The following ACBD3 variants were observed in gnomAD, a reference collection of about 807,000 sequenced individuals.
ACBD3 encodes Golgi resident protein GCP60.
In ACBD3, 30 loss-of-function variants were observed where a neutral mutation model predicts 66.9. The ratio of observed to expected loss-of-function variants is 0.45; its 90% CI spans 0.34 to 0.61. The LOEUF (loss-of-function observed/expected upper bound fraction) is 0.61, where lower values mean the gene tolerates loss of function less well. Among genes scored for constraint, ACBD3 ranks in the 20% least tolerant of loss-of-function variants. The probability of loss-of-function intolerance (pLI) is 0.02; values close to 1 mark genes in which losing one functional copy is unlikely to be tolerated. For missense variants in ACBD3, 544 were observed against 664.5 expected (o/e 0.82, Z 1.99); for synonymous variants, 278 against 259.8 (o/e 1.07, Z -0.68).
rs189233972 is a variant in ACBD3, at chr1:226,145,283, T to A, written c.*1327A>T. On this transcript the variant is annotated 3_prime_UTR_variant, in exon 8 of 8. Coordinates refer to ENST00000366812, the MANE Select transcript of ACBD3 (RefSeq NM_022735.4). Reference sequence around the variant, plus strand: ...CAAACAACCCATATGTAGTGAACTGTATATACTGCAGTTAATGAAAACCCT... The same window carrying A: ...CAAACAACCCATATGTAGTGAACTGAATATACTGCAGTTAATGAAAACCCT... The A allele has an allele frequency of 2.0e-5, 3 of 152,620 alleles. No individual in the cohort carries two copies. The highest frequency in any genetic ancestry group is 4.4e-5 in the Non-Finnish European group (3 of 68,032). 9.5% of individuals were successfully genotyped at this position (152,620 alleles called of 1,614,324 possible).
intron 1 of ACBD3, among the ~76,000 whole-genome samples, chr1:226,184,818 T>C (rs964824932): frequency 7.3e-5 from 11 of 151,414 alleles, no homozygotes; most frequent in East Asian, 1.9e-4. Context: ...TTTTTTTTTT[T>C]AGACGGAGTT....
intron 5 of ACBD3, among the ~76,000 whole-genome samples, chr1:226,158,638 C>A (rs1002853377): frequency 3.3e-5 from 5 of 152,224 alleles, no homozygotes; most frequent in African/African-American, 1.2e-4. Context: ...TGTTCTTTCA[C>A]CTAAACCAAC....
In ACBD3 at chr1:226,146,729, C is replaced by T. The variant is rs986987064; in HGVS notation, c.1468G>A (p.Glu490Lys). ...VPVYRRDCHE[E>K]VYAGSHQYPG... is the part of the protein sequence containing the mutation. ...TATTGATGGCTGCCAGCATACACCT[C>T]CTCATGACAGTCCCGTCGGTACACA... is the stretch of plus-strand genomic sequence containing the variant. Residue 490 changes from glutamate to lysine, a missense_variant, in exon 8 of 8, where the codon GAG (glutamate) becomes AAG (lysine). By Grantham distance (56) the Glu-to-Lys change is moderately conservative (BLOSUM62 1). Transcript: ENST00000366812. 1 of 1,613,956 alleles carries T rather than the reference C, an allele frequency of 6.2e-7. No homozygotes were observed. Among genetic ancestry groups the T allele is most frequent in the Non-Finnish European group, 8.5e-7 (1 of 1,180,028 alleles).
intron 1 of ACBD3, among the ~76,000 whole-genome samples, chr1:226,182,954 A>T (rs1277883642): frequency 2.0e-5 from 3 of 152,198 alleles, no homozygotes; most frequent in African/African-American, 7.2e-5. Context: ...GCTAACTTAC[A>T]TTTACCCACA....
intron 1 of ACBD3, among the ~76,000 whole-genome samples, chr1:226,174,742 G>C (rs1174250335): frequency 1.3e-5 from 2 of 151,552 alleles, no homozygotes; most frequent in Non-Finnish European, 2.9e-5. Flanking sequence ...CTCCAGCCTG[G>C]GTGACAGAGC....
At chr1:226,159,041 T>C (rs1272394463) in intron 5 of ACBD3, 143 bp downstream of exon 5, 3 of 869,384 alleles carry the variant, frequency 3.5e-6, no homozygotes, top group Non-Finnish European at 5.4e-6. Context: ...TTCTCAAGTC[T>C]GCCTAAAAGA....
At chr1:226,184,260 C>CT (rs1380210162) in intron 1 of ACBD3, among the ~76,000 whole-genome samples, 21 of 152,330 alleles carry the variant, frequency 1.4e-4, no homozygotes, top group Non-Finnish European at 3.1e-4. Flanking sequence ...CTTCTGACTG[C>CT]TTTTACATCC....
chr1:226,178,308 C>CA (rs1656093378), intron 1 of ACBD3, among the ~76,000 whole-genome samples: 1 of 151,924 alleles, frequency 6.6e-6, no homozygotes, highest in Non-Finnish European at 1.5e-5. Context: ...CAGTGGCTCA[C>CA]ACCTGTAATC....
At chr1:226,154,570 AT>A (rs1659637070) in intron 6 of ACBD3, 76 bp downstream of exon 6, 2 of 1,480,554 alleles carry the variant, frequency 1.4e-6, no homozygotes, top group Non-Finnish European at 1.8e-6. Flanking sequence ...AAAGCTAATT[AT>A]AACCTGACTT....
intron 4 of ACBD3, among the ~76,000 whole-genome samples, chr1:226,160,203 T>C (rs2102779699): frequency 6.6e-6 from 1 of 152,086 alleles, no homozygotes; most frequent in South Asian, 2.1e-4. Context: ...GCGATTCTCC[T>C]GCCTCAGCCT....
At chr1:226,178,985 T>A (rs891935844) in intron 1 of ACBD3, among the ~76,000 whole-genome samples, 1 of 152,198 alleles carries the variant, frequency 6.6e-6, no homozygotes, top group Non-Finnish European at 1.5e-5. Context: ...CACATCTAAC[T>A]AATTAGACCT....
intron 5 of ACBD3, among the ~76,000 whole-genome samples, chr1:226,156,275 A>G (rs1249738322): frequency 2.0e-5 from 3 of 152,222 alleles, no homozygotes; most frequent in African/African-American, 7.2e-5. Flanking sequence ...TGTATAGTAT[A>G]CATTCTTTTT....
At chr1:226,170,164 G>GTTTTT (rs5781424) in intron 1 of ACBD3, among the ~76,000 whole-genome samples, 1 of 133,046 alleles carries the variant, frequency 7.5e-6, no homozygotes, top group African/African-American at 2.8e-5. Context: ...TTTTTTTTTG[G>GTTTTT]TTTTTTTTTT....
chr1:226,177,164 GTTTT>G (rs35506283), intron 1 of ACBD3, among the ~76,000 whole-genome samples: 4,306 of 130,426 alleles, frequency 0.033, 198 homozygotes, highest in African/African-American at 0.11. Flanking sequence ...CCATGTAGCT[GTTTT>G]TTTTTTTTTT....
chr1:226,185,122 G>A (rs1558133565), intron 1 of ACBD3, among the ~76,000 whole-genome samples: 1 of 152,062 alleles, frequency 6.6e-6, no homozygotes. Flanking sequence ...CATCACTACA[G>A]CAAACTCTAA....
At chr1:226,168,949 G>T (rs953423045) in intron 1 of ACBD3, among the ~76,000 whole-genome samples, 1 of 152,008 alleles carries the variant, frequency 6.6e-6, no homozygotes, top group African/African-American at 2.4e-5. Context: ...TGCAGCTTCC[G>T]TCTCTTGGGT....
chr1:226,186,546 G>A lies in ACBD3; in HGVS notation c.130C>T (p.Pro44Ser). 1 of 1,367,824 alleles carries A rather than the reference G, an allele frequency of 7.3e-7. No homozygotes were observed. The highest frequency in any genetic ancestry group is 3.1e-5 in the East Asian group (1 of 32,722). 84.7% of individuals were successfully genotyped at this position (1,367,824 alleles called of 1,614,324 possible). ...LLPPPLPPPS[P>S]PGSGRGPGAS... Reference sequence around the variant, plus strand: ...CCCGGGCCGCGACCGGATCCAGGTGGCGAGGGCGGTGGCAGCGGTGGCGGC... The same window carrying A: ...CCCGGGCCGCGACCGGATCCAGGTGACGAGGGCGGTGGCAGCGGTGGCGGC... Residue 44 changes from proline to serine, a missense_variant, in exon 1 of 8, where the codon CCA becomes TCA. Physicochemically the swap from Pro to Ser is moderately conservative, Grantham distance 74. This residue lies in a region of ACBD3 where 137 missense variants were observed against 145.9 expected (regional missense o/e 0.94). Coordinates refer to ENST00000366812, the MANE Select transcript of ACBD3 (RefSeq NM_022735.4).
At chr1:226,164,126 A>T (rs2102782053) in intron 3 of ACBD3, among the ~76,000 whole-genome samples, 1 of 141,258 alleles carries the variant, frequency 7.1e-6, no homozygotes, top group Admixed American at 6.9e-5. Context: ...TAAAAAAAAA[A>T]AAAAAAAAAA....
At chr1:226,149,263 G>A (rs988496323) in intron 7 of ACBD3, among the ~76,000 whole-genome samples, 1 of 149,534 alleles carries the variant, frequency 6.7e-6, no homozygotes, top group East Asian at 2.0e-4. Flanking sequence ...GTCTGGCTCT[G>A]TCGCCCAGGC....
Sources: gnomAD v4.1 joint callset for allele counts (sites outside exome capture counted in the v4.1 genomes callset) on GRCh38, gnomAD v4.1.1 for gene constraint, gnomAD v4.1.1 regional missense constraint, MANE v1.5 for transcripts, NCBI Gene and HGNC (gene_info 2026-07-23, HGNC 2026-07-21) for gene names.